The following CARMIL1 variants were observed in gnomAD, a reference collection of about 807,000 sequenced individuals.
CARMIL1 encodes capping protein regulator and myosin 1 linker 1, also known as F-actin-uncapping protein LRRC16A.
A neutral mutation model predicts 177.1 loss-of-function variants in CARMIL1; 90 were observed. That is an observed-to-expected ratio of 0.51 (90% confidence interval 0.43 to 0.61). The LOEUF (loss-of-function observed/expected upper bound fraction) is 0.61. Ranked by LOEUF, CARMIL1 falls within the 20% of genes least tolerant of loss-of-function variation. The pLI, the probability that CARMIL1 is intolerant of heterozygous loss-of-function variation, is 0.00. For synonymous variants in CARMIL1, 577 were observed against 606.2 expected (o/e 0.95, Z 0.71); for missense variants, 1,380 against 1,667.0 (o/e 0.83, Z 3.00).
chr6:25,454,631 G>T (rs1213958873), intron 8 of CARMIL1, among the ~76,000 whole-genome samples: 1 of 151,188 alleles, frequency 6.6e-6, no homozygotes, highest in Non-Finnish European at 1.5e-5. Flanking sequence ...AAAATAGATG[G>T]TATTCAAAAC....
chr6:25,340,011 C>A (rs531828061), intron 2 of CARMIL1, among the ~76,000 whole-genome samples: 1 of 152,174 alleles, frequency 6.6e-6, no homozygotes, highest in South Asian at 2.1e-4. Context: ...GCATTGTTGT[C>A]GAGCATGAAG....
At chr6:25,453,698 A>G (rs1470981524) in intron 8 of CARMIL1, among the ~76,000 whole-genome samples, 1 of 152,152 alleles carries the variant, frequency 6.6e-6, no homozygotes, top group African/African-American at 2.4e-5. Flanking sequence ...TTGCTTTTGC[A>G]CCTTCCATGC....
At chr6:25,571,892 G>A (rs1812097271) in intron 29 of CARMIL1, among the ~76,000 whole-genome samples, 1 of 152,138 alleles carries the variant, frequency 6.6e-6, no homozygotes, top group Admixed American at 6.5e-5. Flanking sequence ...GAGTGGGGAG[G>A]GAGGATGTGC....
intron 2 of CARMIL1, among the ~76,000 whole-genome samples, chr6:25,307,514 AGAG>A (rs2150193028): frequency 6.6e-6 from 1 of 152,376 alleles, no homozygotes; most frequent in African/African-American, 2.4e-5. Context: ...TTTTTAAAAA[AGAG>A]ATCCATTTAC....
At chr6:25,351,310 T>C (rs1292905465) in intron 2 of CARMIL1, among the ~76,000 whole-genome samples, 1 of 152,224 alleles carries the variant, frequency 6.6e-6, no homozygotes, top group Non-Finnish European at 1.5e-5. Context: ...TTAAATAAAA[T>C]ATTATTAAAG....
At chr6:25,545,179 C>T (rs1475791741) in intron 26 of CARMIL1, among the ~76,000 whole-genome samples, 2 of 152,116 alleles carry the variant, frequency 1.3e-5, no homozygotes, top group African/African-American at 4.8e-5. Context: ...CTAGAAGTTA[C>T]AGTGCATTTC....
At chr6:25,534,804 C>T (rs212929) in intron 24 of CARMIL1, among the ~76,000 whole-genome samples, 15,304 of 152,138 alleles carry the variant, frequency 0.1, 987 homozygotes, top group South Asian at 0.16. Context: ...AAGGGGTAAC[C>T]TTTTTCAAGA....
In CARMIL1 at chr6:25,281,136, G is replaced by GCGCGCGCACACACA. The variant is rs10642536; in HGVS notation, c.40+1302_40+1303insGCGCGCACACACAC. ...CAGACGCACGCGCGTGTGCGCGCGC[G>GCGCGCGCACACACA]CACACACACACACACACACACACAC... On this transcript the variant is annotated intron_variant, in intron 1 of 36. Coordinates refer to ENST00000329474, the MANE Select transcript of CARMIL1 (RefSeq NM_017640.6). Among the ~76,000 whole-genome samples, 189 of 132,186 alleles carry GCGCGCGCACACACA rather than the reference G, an allele frequency of 1.4e-3. 1 individual carries two copies. The highest frequency in any genetic ancestry group is 2.8e-3 in the African/African-American group (95 of 33,788). The allele number at this position is 132,186 out of a possible 152,430, so 86.7% of individuals were successfully genotyped here. A position where few individuals can be genotyped will look rare whatever the true frequency, so the allele number is the denominator to read the frequency against.
chr6:25,423,775 T>A (rs12153885), intron 3 of CARMIL1, among the ~76,000 whole-genome samples: 23,588 of 152,140 alleles, frequency 0.16, 1,904 homozygotes, highest in Non-Finnish European at 0.17. Context: ...GTTAAGTTTT[T>A]CCTCTTATCT....
At chr6:25,449,178 T>TG (rs952484006) in intron 5 of CARMIL1, among the ~76,000 whole-genome samples, 2 of 152,236 alleles carry the variant, frequency 1.3e-5, no homozygotes, top group Admixed American at 6.5e-5. Flanking sequence ...GGCTCAGCCC[T>TG]GGGGGGGTTA....
At position 25,554,243 on chromosome 6, in the gene CARMIL1, C is replaced by G. The variant is rs1305689699; in HGVS notation, c.2592+147C>G. ...TGTGATCTTGGTTTTCCTCCTTTCT[C>G]TTCTATGTTGCTTCTAGCCATTCTG... On this transcript the variant is annotated intron_variant, in intron 28 of 36. Transcript: ENST00000329474. The surrounding 1 kb of genome is among the most constrained non-coding windows in gnomAD (Gnocchi z 4.6). The G allele has an allele frequency of 3.1e-6, 2 of 636,464 alleles. No individual in the cohort carries two copies. Among genetic ancestry groups the G allele is most frequent in the Non-Finnish European group, 5.6e-6 (2 of 359,616 alleles). 39.4% of individuals were successfully genotyped at this position (636,464 alleles called of 1,614,324 possible). A position where few individuals can be genotyped will look rare whatever the true frequency, so the allele number is the denominator to read the frequency against.
intron 29 of CARMIL1, among the ~76,000 whole-genome samples, chr6:25,569,691 C>T (rs572310592): frequency 1.7e-3 from 265 of 152,238 alleles, no homozygotes; most frequent in African/African-American, 6.2e-3. Context: ...AATGTGTTAC[C>T]TGAAGAATTT....
At chr6:25,570,455 T>A (rs1403623528) in intron 29 of CARMIL1, among the ~76,000 whole-genome samples, 1 of 152,224 alleles carries the variant, frequency 6.6e-6, no homozygotes, top group Admixed American at 6.5e-5. Context: ...ATTTGCTTTT[T>A]AAGGAGAACA....
At chr6:25,441,367 GTGTGTCTA>G (rs753285717) in intron 5 of CARMIL1, among the ~76,000 whole-genome samples, 52 of 146,646 alleles carry the variant, frequency 3.5e-4, no homozygotes, top group African/African-American at 1.2e-3. Flanking sequence ...GTGTGTGTGT[GTGTGTCTA>G]TGTGTGTGTG....
At chr6:25,286,789 A>G (rs1781555501) in intron 2 of CARMIL1, among the ~76,000 whole-genome samples, 2 of 152,224 alleles carry the variant, frequency 1.3e-5, no homozygotes, top group African/African-American at 4.8e-5. Context: ...CATGAGTGCA[A>G]TTTACCATGT....
intron 2 of CARMIL1, among the ~76,000 whole-genome samples, chr6:25,349,744 T>G (rs1787918579): frequency 6.9e-6 from 1 of 145,478 alleles, no homozygotes; most frequent in African/African-American, 2.5e-5. Flanking sequence ...TTTTTTTTTT[T>G]TTTGAGATGG....
At position 25,577,564 on chromosome 6, in the gene CARMIL1, CTCTT is replaced by C. The variant is rs1463942618; in HGVS notation, c.2743-3356_2743-3353del. ...AGCAAATGTGGCAAAAACAAAGCAC[CTCTT>C]TCTATTTTTATGGTGACTTAAGCAA... is the stretch of plus-strand genomic sequence containing the variant. On this transcript the variant is annotated intron_variant, in intron 29 of 36. Transcript: ENST00000329474. The surrounding 1 kb of genome is among the most constrained non-coding windows in gnomAD (Gnocchi z 4.5). Among the ~76,000 whole-genome samples, 6 of 151,458 alleles carry C rather than the reference CTCTT, an allele frequency of 4.0e-5. No individual in the cohort carries two copies. The highest frequency in any genetic ancestry group is 8.8e-5 in the Non-Finnish European group (6 of 67,890).
intron 2 of CARMIL1, among the ~76,000 whole-genome samples, chr6:25,367,583 TGAA>T (rs1328915872): frequency 6.6e-6 from 1 of 152,056 alleles, no homozygotes. Flanking sequence ...TGTTAAGGCT[TGAA>T]GAGGAAGGTA....
At chr6:25,525,643 AT>A (rs2151089779) in intron 23 of CARMIL1, among the ~76,000 whole-genome samples, 1 of 152,320 alleles carries the variant, frequency 6.6e-6, no homozygotes, top group Non-Finnish European at 1.5e-5. Context: ...GATAACCACA[AT>A]GTACTGGGTG....
Sources: gnomAD v4.1 joint callset for allele counts (sites outside exome capture counted in the v4.1 genomes callset) on GRCh38, gnomAD v4.1.1 for gene constraint, Gnocchi (gnomAD v3.1) non-coding constraint, MANE v1.5 for transcripts, NCBI Gene and HGNC (gene_info 2026-07-23, HGNC 2026-07-21) for gene names.